The following GPHN variants were observed in gnomAD, a reference collection of about 807,000 sequenced individuals.
GPHN encodes the protein gephyrin.
In GPHN, 17 loss-of-function variants were observed where a neutral mutation model predicts 95.5. The ratio of observed to expected loss-of-function variants is 0.18; its 90% CI spans 0.12 to 0.27. The LOEUF (loss-of-function observed/expected upper bound fraction) is 0.27. Ranked by LOEUF, GPHN falls within the 10% of genes least tolerant of loss-of-function variation. GPHN has a pLI of 1.00. For synonymous variants in GPHN, 320 were observed against 322.5 expected, an observed-to-expected ratio of 0.99 and a Z score of 0.08; for missense variants, 660 against 978.1, an observed-to-expected ratio of 0.67 and a Z score of 4.34.
the GPHN span, among the ~76,000 whole-genome samples, chr14:67,709,090 C>A: frequency 1.3e-5 from 2 of 152,002 alleles, no homozygotes; most frequent in South Asian, 2.1e-4. Context: ...TGTGCCAGGC[C>A]CAACAATATC....
intron 9 of GPHN, among the ~76,000 whole-genome samples, chr14:66,994,254 T>TA (rs113565827): frequency 0.015 from 2,296 of 152,118 alleles, 33 homozygotes; most frequent in Non-Finnish European, 0.018. Context: ...TATTCCCACT[T>TA]ACTCGGAAGG....
chr14:66,672,377 T>G (rs1174784400), intron 1 of GPHN, among the ~76,000 whole-genome samples: 1 of 152,186 alleles, frequency 6.6e-6, no homozygotes, highest in African/African-American at 2.4e-5. Flanking sequence ...AGAGTGTCTA[T>G]TCTGCTTTTA....
At chr14:66,823,192 G>A in intron 3 of GPHN, 1 of 152,140 alleles carries the variant, frequency 6.6e-6, no homozygotes, top group Non-Finnish European at 1.5e-5. Flanking sequence ...AGTAGAGATG[G>A]AGTTTTGCCA....
the GPHN span, chr14:67,320,994 G>A: frequency 2.2e-6 from 3 of 1,385,708 alleles, no homozygotes; most frequent in South Asian, 1.2e-5. Flanking sequence ...CTGACTAGCA[G>A]AATTATCCCC....
At chr14:66,853,045 C>T in intron 4 of GPHN, among the ~76,000 whole-genome samples, 1 of 152,104 alleles carries the variant, frequency 6.6e-6, no homozygotes, top group Non-Finnish European at 1.5e-5. Context: ...CAGGGTCTGT[C>T]CTCCACAAAT....
At chr14:67,581,007 A>G in the GPHN span, 1 of 1,613,038 alleles carries the variant, frequency 6.2e-7, no homozygotes, top group Non-Finnish European at 8.5e-7. Context: ...TGAGGGTGGG[A>G]CACGCGTCGT....
intron 1 of GPHN, among the ~76,000 whole-genome samples, chr14:66,629,011 A>G (rs905355496): frequency 1.4e-5 from 2 of 148,026 alleles, no homozygotes; most frequent in East Asian, 2.0e-4. Context: ...GTTGCAGTGA[A>G]CTCTGATCTC....
intron 1 of GPHN, among the ~76,000 whole-genome samples, chr14:66,590,123 T>G (rs1200798265): frequency 6.6e-6 from 1 of 151,940 alleles, no homozygotes; most frequent in Admixed American, 6.6e-5. Flanking sequence ...GTTCTTTGAT[T>G]CCTATGAAAA....
intron 9 of GPHN, among the ~76,000 whole-genome samples, chr14:66,982,013 T>A (rs1038375848): frequency 1.3e-5 from 2 of 152,174 alleles, no homozygotes; most frequent in Non-Finnish European, 2.9e-5. Context: ...AAGAAAAATA[T>A]GAATGTATAT....
chr14:67,525,459 C>T, the GPHN span, among the ~76,000 whole-genome samples: 1 of 152,176 alleles, frequency 6.6e-6, no homozygotes, highest in African/African-American at 2.4e-5. Context: ...CAATTGGATC[C>T]TTTTCCCCTC....
chr14:67,345,946 A>T, the GPHN span: 1 of 888,804 alleles, frequency 1.1e-6, no homozygotes, highest in Non-Finnish European at 1.8e-6. Context: ...AAAGGAGATA[A>T]TTCAGAATAA....
the GPHN span, among the ~76,000 whole-genome samples, chr14:67,354,616 A>C: frequency 6.6e-6 from 1 of 152,244 alleles, no homozygotes; most frequent in African/African-American, 2.4e-5. Context: ...GTCATTAAAA[A>C]AGACGAAGGT....
the GPHN span, among the ~76,000 whole-genome samples, chr14:67,612,758 G>A: frequency 6.6e-6 from 1 of 152,028 alleles, no homozygotes; most frequent in Admixed American, 6.6e-5. Flanking sequence ...CCAATGTGGT[G>A]AGACCCTCCC....
the GPHN span, among the ~76,000 whole-genome samples, chr14:67,478,861 G>A: frequency 6.6e-6 from 1 of 152,114 alleles, no homozygotes; most frequent in Non-Finnish European, 1.5e-5. Flanking sequence ...TCATCTGAAC[G>A]CCAGCACCAG....
At chr14:67,130,724 G>T (rs2079646775) in intron 17 of GPHN, among the ~76,000 whole-genome samples, 1 of 152,080 alleles carries the variant, frequency 6.6e-6, no homozygotes, top group South Asian at 2.1e-4. Context: ...CCCACCAACG[G>T]TGTGTAAATG....
intron 1 of GPHN, among the ~76,000 whole-genome samples, chr14:66,571,222 G>A (rs1184797109): frequency 2.0e-5 from 3 of 152,152 alleles, no homozygotes; most frequent in Admixed American, 6.5e-5. Flanking sequence ...AGAGGGTGAA[G>A]TGGGAAGAGC....
At chr14:66,838,773 A>G (rs2061961904) in intron 4 of GPHN, among the ~76,000 whole-genome samples, 1 of 152,188 alleles carries the variant, frequency 6.6e-6, no homozygotes, top group Admixed American at 6.6e-5. Context: ...GTATCCATCT[A>G]TGAAATGGAC....
chr14:67,179,200 C>T (rs1028576668), intron 21 of GPHN, among the ~76,000 whole-genome samples: 1 of 151,832 alleles, frequency 6.6e-6, no homozygotes, highest in African/African-American at 2.4e-5. Flanking sequence ...GCCTGAGCAA[C>T]ATAGCAAGAT....
chr14:66,527,869 G>A (rs1049117913), intron 1 of GPHN, among the ~76,000 whole-genome samples: 3 of 152,086 alleles, frequency 2.0e-5, no homozygotes, highest in Admixed American at 2.0e-4. Flanking sequence ...ATTTACTGAG[G>A]AGTGTTTTAC....
Sources: allele counts gnomAD v4.1 joint callset (sites outside exome capture counted in the v4.1 genomes callset), GRCh38; gene constraint gnomAD v4.1.1; transcripts MANE v1.5; gene names NCBI Gene and HGNC (gene_info 2026-07-23, HGNC 2026-07-21).